DENND1A: variants seen among roughly 807,000 people sequenced by gnomAD.
The protein encoded by DENND1A is DENN domain-containing protein 1A.
In DENND1A, 51 loss-of-function variants were observed where a neutral mutation model predicts 113.7. That is an observed-to-expected ratio of 0.45 (90% CI 0.36 to 0.57). The LOEUF is 0.57. DENND1A is among the 20% of genes least tolerant of loss of function. DENND1A has a pLI of 0.00. For synonymous variants in DENND1A, 565 were observed against 570.8 expected, an observed-to-expected ratio of 0.99 and a Z score of 0.14; for missense variants, 1,258 against 1,395.9, an observed-to-expected ratio of 0.90 and a Z score of 1.57.
At chr9:123,595,817 C>T (rs372121288) in intron 11 of DENND1A, among the ~76,000 whole-genome samples, 9 of 152,138 alleles carry the variant, frequency 5.9e-5, no homozygotes, top group African/African-American at 9.7e-5. Flanking sequence ...AGCTGGCCCC[C>T]CTCTGGGAGC....
At chr9:123,698,786 C>G (rs1355111722) in intron 5 of DENND1A, among the ~76,000 whole-genome samples, 2 of 152,160 alleles carry the variant, frequency 1.3e-5, no homozygotes, top group Non-Finnish European at 2.9e-5. Flanking sequence ...CACTGCTTTG[C>G]CCTGCGTACT....
At chr9:123,669,151 CTCATA>C (rs2063635743) in intron 7 of DENND1A, among the ~76,000 whole-genome samples, 2 of 152,116 alleles carry the variant, frequency 1.3e-5, no homozygotes, top group Non-Finnish European at 1.5e-5. Context: ...TTTACCATCA[CTCATA>C]TCAGACACAC....
intron 5 of DENND1A, among the ~76,000 whole-genome samples, chr9:123,693,877 G>A (rs767488186): frequency 8.7e-5 from 13 of 149,762 alleles, no homozygotes; most frequent in Non-Finnish European, 1.5e-4. Flanking sequence ...CACCAGGCGG[G>A]AGTGCAGTGG....
intron 12 of DENND1A, among the ~76,000 whole-genome samples, chr9:123,563,291 T>C (rs1361365304): frequency 6.6e-6 from 1 of 152,192 alleles, no homozygotes; most frequent in African/African-American, 2.4e-5. Context: ...CGTGTACCCC[T>C]GTTCCTCCTT....
At chr9:123,409,829 C>G (rs946829074) in intron 20 of DENND1A, among the ~76,000 whole-genome samples, 1 of 152,142 alleles carries the variant, frequency 6.6e-6, no homozygotes, top group African/African-American at 2.4e-5. Flanking sequence ...CGGTGGCTCA[C>G]GTCTGTAATC....
chr9:123,396,748 A>G (rs551910588), intron 21 of DENND1A, among the ~76,000 whole-genome samples: 2 of 152,342 alleles, frequency 1.3e-5, no homozygotes, highest in Admixed American at 1.3e-4. Context: ...CTACCTAGCT[A>G]GCATGGCCTA....
intron 13 of DENND1A, among the ~76,000 whole-genome samples, chr9:123,500,769 C>T (rs992227076): frequency 3.3e-5 from 5 of 152,216 alleles, no homozygotes; most frequent in South Asian, 2.1e-4. Context: ...TGCAAAAACG[C>T]TGTCACACAA....
At chr9:123,534,309 G>C (rs1413350776) in intron 13 of DENND1A, among the ~76,000 whole-genome samples, 1 of 152,066 alleles carries the variant, frequency 6.6e-6, no homozygotes, top group Non-Finnish European at 1.5e-5. Flanking sequence ...GTTTAGTTTT[G>C]CTTACTGTTG....
At chr9:123,510,862 G>C (rs2053399656) in intron 13 of DENND1A, among the ~76,000 whole-genome samples, 1 of 152,210 alleles carries the variant, frequency 6.6e-6, no homozygotes, top group South Asian at 2.1e-4. Context: ...TGCTTCAGAA[G>C]GAAGTAAGTT....
chr9:123,851,717 G>A (rs571484183), intron 2 of DENND1A, among the ~76,000 whole-genome samples: 2 of 152,322 alleles, frequency 1.3e-5, no homozygotes, highest in South Asian at 4.1e-4. Flanking sequence ...GTAAACTCCA[G>A]CAGATTCACA....
At chr9:123,562,975 G>T (rs1334248374) in intron 12 of DENND1A, among the ~76,000 whole-genome samples, 2 of 152,216 alleles carry the variant, frequency 1.3e-5, no homozygotes, top group African/African-American at 4.8e-5. Flanking sequence ...GCAAGTGCTT[G>T]ACATTGTGAA....
intron 5 of DENND1A, 151 bp from the exon 6 acceptor site, chr9:123,676,940 G>A (rs1198908722): frequency 1.4e-6 from 1 of 738,548 alleles, no homozygotes; most frequent in African/African-American, 1.8e-5. Context: ...CTGGCGAAAT[G>A]CTAATTATTT....
intron 2 of DENND1A, among the ~76,000 whole-genome samples, chr9:123,844,396 T>A (rs1054251610): frequency 1.3e-5 from 2 of 152,150 alleles, no homozygotes; most frequent in African/African-American, 2.4e-5. Flanking sequence ...TCAATATTTT[T>A]AAAAATCAAT....
At chr9:123,417,421 G>A (rs2044824315) in intron 19 of DENND1A, among the ~76,000 whole-genome samples, 1 of 152,186 alleles carries the variant, frequency 6.6e-6, no homozygotes. Context: ...ACAGTCCCTG[G>A]TGAGGCAAGT....
intron 1 of DENND1A, among the ~76,000 whole-genome samples, chr9:123,913,646 C>T (rs1233855797): frequency 6.6e-6 from 1 of 152,180 alleles, no homozygotes; most frequent in Non-Finnish European, 1.5e-5. Context: ...TGGCTCACGC[C>T]TGTAATCCCA....
intron 11 of DENND1A, among the ~76,000 whole-genome samples, chr9:123,598,750 A>C (rs536361527): frequency 6.6e-6 from 1 of 152,202 alleles, no homozygotes; most frequent in African/African-American, 2.4e-5. Context: ...ATATGTACTT[A>C]TCAAGCTTCA....
At chr9:123,904,876 G>C (rs1419770526) in intron 1 of DENND1A, among the ~76,000 whole-genome samples, 1 of 152,096 alleles carries the variant, frequency 6.6e-6, no homozygotes, top group Non-Finnish European at 1.5e-5. Context: ...GATACTCCTT[G>C]AGAAGAGCAA....
In DENND1A at chr9:123,929,940, G is replaced by A; in HGVS notation, c.-35C>T. On this transcript the variant is annotated 5_prime_UTR_variant, in exon 1 of 24. Coordinates refer to ENST00000394215, the MANE Select transcript of DENND1A (RefSeq NM_001352964.2). Reference sequence around the variant, plus strand: ...GCCTCCTCATGGGCCCGCGGGCCCCGCTCGGCGCTGCGCTGCCCGCCCGCC... The same window carrying A: ...GCCTCCTCATGGGCCCGCGGGCCCCACTCGGCGCTGCGCTGCCCGCCCGCC... The A allele has an allele frequency of 3.3e-6, 1 of 306,230 alleles. No homozygotes were observed. The highest frequency in any genetic ancestry group is 5.3e-5 in the South Asian group (1 of 18,856). 19.0% of individuals were successfully genotyped at this position (306,230 alleles called of 1,614,324 possible). A position where few individuals can be genotyped will look rare whatever the true frequency, so the allele number is the denominator to read the frequency against.
chr9:123,487,104 T>C (rs557364150), intron 13 of DENND1A, among the ~76,000 whole-genome samples: 2 of 152,272 alleles, frequency 1.3e-5, no homozygotes, highest in Admixed American at 6.5e-5. Context: ...AAGAGAATGT[T>C]TGAAAATAAA....
Sources: gnomAD v4.1 joint callset for allele counts (sites outside exome capture counted in the v4.1 genomes callset) on GRCh38, gnomAD v4.1.1 for gene constraint, MANE v1.5 for transcripts, NCBI Gene and HGNC (gene_info 2026-07-23, HGNC 2026-07-21) for gene names.